Variants in SH3PXD2A observed in about 807,000 individuals in gnomAD.
SH3PXD2A encodes SH3 and PX domains 2A, also known as SH3 and PX domain-containing protein 2A.
SH3PXD2A carries 32 observed loss-of-function variants against 115.2 expected under a neutral mutation model. That is an observed-to-expected ratio of 0.28 (90% CI 0.21 to 0.37). The LOEUF is 0.37. Among genes scored for constraint, SH3PXD2A ranks in the 10% least tolerant of loss-of-function variants. The probability of loss-of-function intolerance (pLI) is 1.00; values close to 1 mark genes in which losing one functional copy is unlikely to be tolerated. For missense variants in SH3PXD2A, 1,328 were observed against 1,498.7 expected, an observed-to-expected ratio of 0.89 and a Z score of 1.88; for synonymous variants, 610 against 629.1, an observed-to-expected ratio of 0.97 and a Z score of 0.45.
At chr10:103,646,198 G>C (rs1027817480) in intron 8 of SH3PXD2A, among the ~76,000 whole-genome samples, 12 of 152,184 alleles carry the variant, frequency 7.9e-5, no homozygotes, top group Middle Eastern at 3.4e-3. Context: ...AACCATCCTG[G>C]GGCCTCAGCT....
rs2037367455 is a variant in SH3PXD2A, at chr10:103,665,119, G to A, written c.472+3489C>T. On this transcript the variant is annotated intron_variant, in intron 7 of 14. Coordinates refer to ENST00000369774, the MANE Select transcript of SH3PXD2A (RefSeq NM_001394015.1). This position sits in a 1 kb window ranked among gnomAD's most constrained non-coding sequence, Gnocchi z 4.0. ...TGAACAGAGGGACTCATTGGTTTGT[G>A]GTGTCAATATGAATACCTTGACTCT... is the stretch of plus-strand genomic sequence containing the variant. Among the ~76,000 whole-genome samples the A allele has an allele frequency of 6.6e-6, 1 of 152,112 alleles. No homozygotes were observed. The highest frequency in any genetic ancestry group is 6.5e-5 in the Admixed American group (1 of 15,270).
At chr10:103,690,453 G>A (rs1161766424) in intron 6 of SH3PXD2A, among the ~76,000 whole-genome samples, 1 of 152,174 alleles carries the variant, frequency 6.6e-6, no homozygotes, top group East Asian at 1.9e-4. Flanking sequence ...AATGTGATGG[G>A]GGAGGCCGGC....
chr10:103,794,102 G>A (rs2039063324), intron 2 of SH3PXD2A, among the ~76,000 whole-genome samples: 2 of 152,188 alleles, frequency 1.3e-5, no homozygotes, highest in South Asian at 4.1e-4. Context: ...CTGGTTGTTA[G>A]TGATTCAGGA....
chr10:103,603,625 G>A lies in SH3PXD2A; in HGVS notation c.1593C>T (p.Pro531=). The A allele has an allele frequency of 6.2e-7, 1 of 1,604,540 alleles. No homozygotes were observed. The highest frequency in any genetic ancestry group is 1.3e-5 in the African/African-American group (1 of 74,860). ...KVPPPAPPSK[P]KEAEEGPTGA... ...CCGTAGGGCCCTCCTCGGCCTCCTT[G>A]GGCTTGCTGGGGGGTGCTGGCGGGG... The change falls in exon 15 of 15, where the codon CCC becomes CCT. Residue 531 remains proline (P), a synonymous_variant. Coordinates refer to ENST00000369774, the MANE Select transcript of SH3PXD2A (RefSeq NM_001394015.1).
At chr10:103,611,000 C>G (rs1000163614) in intron 13 of SH3PXD2A, among the ~76,000 whole-genome samples, 2 of 152,244 alleles carry the variant, frequency 1.3e-5, no homozygotes, top group African/African-American at 4.8e-5. Context: ...ACCCCAAGCC[C>G]TGGCCCCTGA....
chr10:103,617,150 C>A, intron 11 of SH3PXD2A, 47 bp downstream of exon 11: 2 of 1,367,238 alleles, frequency 1.5e-6, no homozygotes, highest in Non-Finnish European at 2.1e-6. Flanking sequence ...CTGCCCAGGG[C>A]CCAGGTGGGC....
At chr10:103,794,862 A>C (rs1248575503) in intron 2 of SH3PXD2A, among the ~76,000 whole-genome samples, 2 of 152,250 alleles carry the variant, frequency 1.3e-5, no homozygotes, top group Non-Finnish European at 2.9e-5. Flanking sequence ...CCTGGTTTCC[A>C]GAAGAAGTGT....
intron 8 of SH3PXD2A, among the ~76,000 whole-genome samples, chr10:103,646,593 C>T (rs2037040170): frequency 6.6e-6 from 1 of 152,174 alleles, no homozygotes; most frequent in Non-Finnish European, 1.5e-5. Flanking sequence ...CCACCTTGTC[C>T]CACAACCAAC....
chr10:103,768,058 A>AAAGATT (rs2038778532), intron 2 of SH3PXD2A, among the ~76,000 whole-genome samples: 1 of 152,214 alleles, frequency 6.6e-6, no homozygotes, highest in South Asian at 2.1e-4. Context: ...AGGATCAGTC[A>AAAGATT]CATGATCTTT....
intron 3 of SH3PXD2A, among the ~76,000 whole-genome samples, chr10:103,743,968 G>A (rs1165082571): frequency 6.6e-6 from 1 of 152,190 alleles, no homozygotes; most frequent in Non-Finnish European, 1.5e-5. Flanking sequence ...GGCCTTGATG[G>A]AACTGGATGT....
At chr10:103,643,528 T>C (rs2036986469) in intron 8 of SH3PXD2A, among the ~76,000 whole-genome samples, 1 of 152,066 alleles carries the variant, frequency 6.6e-6, no homozygotes, top group Admixed American at 6.5e-5. Flanking sequence ...TGCCATGAAG[T>C]TCAACAAGAG....
intron 8 of SH3PXD2A, among the ~76,000 whole-genome samples, chr10:103,660,395 T>C (rs1329899477): frequency 6.6e-6 from 1 of 152,186 alleles, no homozygotes; most frequent in African/African-American, 2.4e-5. Context: ...TGCCGGACCT[T>C]GCCTGGCCCA....
intron 3 of SH3PXD2A, among the ~76,000 whole-genome samples, chr10:103,741,481 G>T (rs1204385051): frequency 6.6e-6 from 1 of 152,124 alleles, no homozygotes; most frequent in African/African-American, 2.4e-5. Context: ...TTGTCAGGAA[G>T]CCACCCTCCT....
At chr10:103,608,494 C>T (rs1396511785) in intron 13 of SH3PXD2A, 1 of 145,688 alleles carries the variant, frequency 6.9e-6, no homozygotes, top group African/African-American at 2.5e-5. Flanking sequence ...ATCGAATTTA[C>T]AGATTAGGGA....
In SH3PXD2A at chr10:103,602,828, C is replaced by T; in HGVS notation, c.2390G>A (p.Ser797Asn). Residue 797 changes from serine (S) to asparagine (N), a missense_variant, in exon 15 of 15, where the codon AGT becomes AAT. Coordinates refer to ENST00000369774, the MANE Select transcript of SH3PXD2A (RefSeq NM_001394015.1). The stretch of plus-strand genomic sequence containing the variant: ...CTGCGGGGGCAGCTCCGAATCCTCA[C>T]TCTTGGAGCCCTTGAGCCCTCCACG... ...QLRGGLKGSK[S>N]EDSELPPQTA... 3 of 1,614,196 alleles carry T rather than the reference C, an allele frequency of 1.9e-6. No individual in the cohort carries two copies. Among genetic ancestry groups the T allele is most frequent in the Non-Finnish European group, 2.5e-6 (3 of 1,180,034 alleles).
chr10:103,619,255 C>A (rs1035727763), intron 10 of SH3PXD2A, among the ~76,000 whole-genome samples: 1 of 152,170 alleles, frequency 6.6e-6, no homozygotes, highest in African/African-American at 2.4e-5. Flanking sequence ...GCTCCACAGT[C>A]CAACTCTCTC....
chr10:103,819,836 G>T (rs743240), intron 1 of SH3PXD2A, among the ~76,000 whole-genome samples: 1 of 151,890 alleles, frequency 6.6e-6, no homozygotes, highest in Non-Finnish European at 1.5e-5. Context: ...CCCTAGAGGA[G>T]GGGGGGAGAT....
At chr10:103,794,528 G>A (rs2134255506) in intron 2 of SH3PXD2A, among the ~76,000 whole-genome samples, 1 of 152,292 alleles carries the variant, frequency 6.6e-6, no homozygotes, top group Middle Eastern at 3.4e-3. Context: ...GACCAGGAAG[G>A]AGCTGTGCAA....
At chr10:103,618,571 C>T (rs1564845682) in intron 10 of SH3PXD2A, among the ~76,000 whole-genome samples, 1 of 152,242 alleles carries the variant, frequency 6.6e-6, no homozygotes, top group Non-Finnish European at 1.5e-5. Context: ...CCCTGAGCCA[C>T]TGTTGTCCTC....
Sources: allele counts gnomAD v4.1 joint callset (sites outside exome capture counted in the v4.1 genomes callset), GRCh38; gene constraint gnomAD v4.1.1; non-coding constraint Gnocchi (gnomAD v3.1); transcripts MANE v1.5; gene names NCBI Gene and HGNC (gene_info 2026-07-23, HGNC 2026-07-21).